Variants in IL18BP observed in about 807,000 individuals in gnomAD.
IL18BP encodes the protein interleukin-18-binding protein.
In IL18BP, 23 loss-of-function variants were observed where a neutral mutation model predicts 19.9. The ratio of observed to expected loss-of-function variants is 1.15; its 90% CI spans 0.83 to 1.64. The LOEUF (loss-of-function observed/expected upper bound fraction) is 1.64, where lower values mean the gene tolerates loss of function less well. IL18BP is among the 40% of genes most tolerant of loss of function. The pLI is 0.00. For synonymous variants in IL18BP, 107 were observed against 101.0 expected, an observed-to-expected ratio of 1.06 and a Z score of -0.35; for missense variants, 239 against 240.7, an observed-to-expected ratio of 0.99 and a Z score of 0.05.
chr11:72,005,967 T>C, downstream of IL18BP: 1 of 1,320,056 alleles, frequency 7.6e-7, no homozygotes, highest in Middle Eastern at 2.1e-4. Context: ...GCTTTCCTCT[T>C]TTCCCTGTGC....
At chr11:72,005,837 A>G (rs971497723), downstream of IL18BP, 4 of 591,430 alleles carry the variant, frequency 6.8e-6, no homozygotes, top group African/African-American at 1.9e-5. Context: ...ACTCTGGCTA[A>G]GAGTGCCCCC....
At chr11:72,003,449 TGA>T, downstream of IL18BP, 4 of 1,427,448 alleles carry the variant, frequency 2.8e-6, no homozygotes, top group Admixed American at 6.7e-5. Flanking sequence ...GAGAAGGCAC[TGA>T]GAGGGACAGT....
downstream of IL18BP, chr11:72,004,449 C>T: frequency 6.5e-6 from 8 of 1,232,922 alleles, no homozygotes; most frequent in Non-Finnish European, 9.4e-6. Flanking sequence ...AACGTGCAAC[C>T]TGCTCCCCTT....
chr11:72,000,121 A>ACC (rs148810012), intron 2 of IL18BP, 109 bp downstream of exon 2: 18,004 of 1,212,002 alleles, frequency 0.015, 167 homozygotes, highest in Non-Finnish European at 0.018. Flanking sequence ...CACCCAGCGC[A>ACC]CCTGGTGCTG....
chr11:72,007,248 G>A (rs143730967), downstream of IL18BP: 418 of 1,612,980 alleles, frequency 2.6e-4, 5 homozygotes, highest in East Asian at 8.7e-3. Context: ...CGGGTCTTAC[G>A]ACCCGAGTCC....
downstream of IL18BP, chr11:72,006,095 G>A: frequency 1.2e-6 from 2 of 1,614,146 alleles, no homozygotes; most frequent in Admixed American, 1.7e-5. Context: ...CGAGTGGTGG[G>A]GCGGTAGCCA....
chr11:72,006,181 C>A (rs750396147), downstream of IL18BP: 1 of 1,614,116 alleles, frequency 6.2e-7, no homozygotes, highest in Non-Finnish European at 8.5e-7. Flanking sequence ...GGAGGTGGCT[C>A]GCAGGCTAGC....
chr11:72,004,073 G>C, downstream of IL18BP: 1 of 1,613,184 alleles, frequency 6.2e-7, no homozygotes, highest in South Asian at 1.1e-5. Context: ...TGAGGATGCT[G>C]AAGGCCATCG....
At chr11:72,006,085 C>G (rs777276380), downstream of IL18BP, 1 of 1,613,938 alleles carries the variant, frequency 6.2e-7, no homozygotes, top group Non-Finnish European at 8.5e-7. Context: ...AGCAGAACTG[C>G]GAGTGGTGGG....
chr11:72,006,333 C>G (rs191910748), downstream of IL18BP: 1 of 1,367,192 alleles, frequency 7.3e-7, no homozygotes, highest in African/African-American at 1.4e-5. Flanking sequence ...CATTCCCTTC[C>G]GAAGCCCTCA....
chr11:72,006,292 G>T, downstream of IL18BP: 4 of 1,595,512 alleles, frequency 2.5e-6, no homozygotes, highest in Non-Finnish European at 3.4e-6. Context: ...CTGTTGCAGT[G>T]TACAGTCCCT....
downstream of IL18BP, among the ~76,000 whole-genome samples, chr11:72,006,807 G>A (rs1021601481): frequency 6.6e-6 from 1 of 152,218 alleles, no homozygotes; most frequent in Non-Finnish European, 1.5e-5. Context: ...TCAAGATGTG[G>A]AAACAAAGGC....
At chr11:72,001,058 G>A (rs1590830416) in intron 3 of IL18BP, 143 bp from the exon 4 acceptor site, 16 of 932,960 alleles carry the variant, frequency 1.7e-5, no homozygotes, top group South Asian at 8.0e-5. Context: ...TGTAACGGAC[G>A]TTCCCACCTA....
At chr11:72,007,202 A>G (rs751752739), downstream of IL18BP, 7 of 1,609,658 alleles carry the variant, frequency 4.3e-6, no homozygotes, top group South Asian at 6.6e-5. Context: ...GGTCATGGTG[A>G]TGTTGATGAT....
At chr11:72,005,296 C>T (rs767957353), downstream of IL18BP, 14 of 1,609,646 alleles carry the variant, frequency 8.7e-6, no homozygotes, top group African/African-American at 1.7e-4. Context: ...GCTGCTGCAG[C>T]TCTGCAATGC....
At chr11:72,003,654 G>T, downstream of IL18BP, 1 of 1,370,292 alleles carries the variant, frequency 7.3e-7, no homozygotes, top group Non-Finnish European at 1.0e-6. Flanking sequence ...TCCCTTGTGA[G>T]CCCCAGGGTT....
In IL18BP at chr11:72,001,220, C is replaced by T. The variant is rs1306772167; in HGVS notation, c.255C>T (p.Ser85=). The change falls in exon 4 of 6, where the codon TCC becomes TCT. Residue 85 remains serine (S), a synonymous_variant. Coordinates refer to ENST00000393703, the MANE Select transcript of IL18BP (RefSeq NM_001039660.2). ...CCCTAGATGGAACGCTGAGCTTATC[C>T]TGTGTGGCCTGCAGCCGCTTCCCCA... ...EVPLNGTLSL[S]CVACSRFPNF... is the part of the protein sequence containing the mutation. 1.2e-6 allele frequency: 2 copies of T among 1,614,202 alleles called. No homozygotes were observed. Among genetic ancestry groups the T allele is most frequent in the South Asian group, 1.1e-5 (1 of 91,084 alleles).
intron 3 of IL18BP, 87 bp from the exon 4 acceptor site, chr11:72,001,114 G>C (rs185847207): frequency 1.4e-5 from 22 of 1,523,736 alleles, no homozygotes; most frequent in East Asian, 6.8e-5. Context: ...CATGGGGACT[G>C]GGGGGAGCTG....
downstream of IL18BP, chr11:72,004,888 G>C (rs1955580256): frequency 7.1e-7 from 1 of 1,413,292 alleles, no homozygotes; most frequent in Non-Finnish European, 9.5e-7. Flanking sequence ...GGCTGTCCCA[G>C]AACTCTACAC....
Sources: gnomAD v4.1 joint callset for allele counts (sites outside exome capture counted in the v4.1 genomes callset) on GRCh38, gnomAD v4.1.1 for gene constraint, MANE v1.5 for transcripts, NCBI Gene and HGNC (gene_info 2026-07-23, HGNC 2026-07-21) for gene names.